MAF: variants seen among roughly 807,000 people sequenced by gnomAD.
MAF encodes the protein MAF bZIP transcription factor, also known as transcription factor Maf.
Under a neutral mutation model 22.0 loss-of-function variants are expected in MAF, and 10 were observed. That is an observed-to-expected ratio of 0.45 (90% CI 0.28 to 0.77). MAF has a LOEUF of 0.77. Among genes scored for constraint, MAF ranks in the 30% least tolerant of loss-of-function variants. MAF has a pLI of 0.12. For synonymous variants in MAF, 337 were observed against 255.8 expected, an observed-to-expected ratio of 1.32 and a Z score of -3.03; for missense variants, 544 against 548.4, an observed-to-expected ratio of 0.99 and a Z score of 0.08.
chr16:79,501,974 G>A, the MAF span, among the ~76,000 whole-genome samples: 1 of 152,124 alleles, frequency 6.6e-6, no homozygotes, highest in Non-Finnish European at 1.5e-5. Flanking sequence ...TGGCTGTGAG[G>A]TATTATTCCC....
the MAF span, among the ~76,000 whole-genome samples, chr16:79,301,760 A>T: frequency 7.9e-5 from 12 of 152,198 alleles, no homozygotes; most frequent in African/African-American, 2.9e-4. Context: ...ATATGTAGCC[A>T]TCATTGAGCA....
chr16:79,329,410 A>G, the MAF span, among the ~76,000 whole-genome samples: 1 of 152,210 alleles, frequency 6.6e-6, no homozygotes, highest in Non-Finnish European at 1.5e-5. Context: ...ATGAGATTTC[A>G]CAACACCGGT....
In MAF at chr16:79,600,119, T is replaced by G. The variant is rs1318869476; in HGVS notation, c.-217A>C. On this transcript the variant is annotated 5_prime_UTR_variant, in exon 1 of 2. Coordinates refer to ENST00000326043, the MANE Select transcript of MAF (RefSeq NM_005360.5). ...CCCCGCGCCCGCCCTCCCTCCCCCC[T>G]GCTCACGCCAATGTGCTCCCTCGCT... 2 of 430,162 alleles carry G rather than the reference T, an allele frequency of 4.6e-6. No homozygotes were observed. The highest frequency in any genetic ancestry group is 3.8e-6 in the Non-Finnish European group (1 of 264,696). 26.6% of individuals were successfully genotyped at this position (430,162 alleles called of 1,614,324 possible).
chr16:79,349,136 G>C, the MAF span, among the ~76,000 whole-genome samples: 1 of 152,210 alleles, frequency 6.6e-6, no homozygotes. Context: ...TATTAACTCA[G>C]TTTACAGAAT....
chr16:79,426,193 G>A, the MAF span, among the ~76,000 whole-genome samples: 18 of 144,232 alleles, frequency 1.2e-4, no homozygotes, highest in East Asian at 4.3e-4. Flanking sequence ...GCGAGAGAGC[G>A]AGAGTCCATC....
the MAF span, among the ~76,000 whole-genome samples, chr16:79,335,273 T>C: frequency 6.6e-6 from 1 of 152,194 alleles, no homozygotes; most frequent in African/African-American, 2.4e-5. Context: ...AGGGGTGATT[T>C]TTAATGAAGG....
chr16:79,390,295 T>C, the MAF span, among the ~76,000 whole-genome samples: 1 of 152,110 alleles, frequency 6.6e-6, no homozygotes, highest in African/African-American at 2.4e-5. Context: ...ATTATTATTT[T>C]TTTCACCGAC....
At chr16:79,448,238 T>C in the MAF span, among the ~76,000 whole-genome samples, 1 of 152,094 alleles carries the variant, frequency 6.6e-6, no homozygotes, top group East Asian at 1.9e-4. Flanking sequence ...TTCATTGTCG[T>C]CCTATTGTAA....
the MAF span, among the ~76,000 whole-genome samples, chr16:79,368,612 C>G: frequency 6.6e-6 from 1 of 152,168 alleles, no homozygotes; most frequent in Non-Finnish European, 1.5e-5. Context: ...AAACAGCCTC[C>G]AAGTCCCCAC....
At chr16:79,428,511 A>G in the MAF span, among the ~76,000 whole-genome samples, 24 of 152,124 alleles carry the variant, frequency 1.6e-4, no homozygotes, top group African/African-American at 5.8e-4. Context: ...ACAGAGAGAC[A>G]GAGAGAGAGA....
the MAF span, among the ~76,000 whole-genome samples, chr16:79,208,505 T>C: frequency 3.8e-3 from 577 of 152,342 alleles, 4 homozygotes; most frequent in Non-Finnish European, 5.0e-3. Context: ...GCTTCAGATA[T>C]TTTATAACGG....
chr16:79,512,412 T>C, the MAF span, among the ~76,000 whole-genome samples: 3 of 152,036 alleles, frequency 2.0e-5, no homozygotes, highest in Non-Finnish European at 2.9e-5. Flanking sequence ...GGGTTGGGGG[T>C]CCACTCCTAG....
the MAF span, among the ~76,000 whole-genome samples, chr16:79,519,396 G>A: frequency 1.1e-4 from 17 of 152,198 alleles, no homozygotes; most frequent in Admixed American, 3.3e-4. Flanking sequence ...AACATCTACG[G>A]TCTGCCTCTT....
the MAF span, among the ~76,000 whole-genome samples, chr16:79,294,265 A>T: frequency 6.6e-6 from 1 of 152,166 alleles, no homozygotes. Context: ...AGACTCTTGT[A>T]TATGTGTCCT....
At chr16:79,261,634 G>A in the MAF span, among the ~76,000 whole-genome samples, 7 of 152,196 alleles carry the variant, frequency 4.6e-5, no homozygotes, top group African/African-American at 7.2e-5. Context: ...GGAGGCCAGG[G>A]ACACTGCAGA....
At chr16:79,517,076 G>A in the MAF span, among the ~76,000 whole-genome samples, 1 of 151,764 alleles carries the variant, frequency 6.6e-6, no homozygotes. Context: ...TGTCTTGGCT[G>A]TCTGTTTTAG....
chr16:79,273,254 C>T, the MAF span, among the ~76,000 whole-genome samples: 2 of 152,170 alleles, frequency 1.3e-5, no homozygotes, highest in East Asian at 1.9e-4. Flanking sequence ...CCAGCTTCTG[C>T]AGTGGTCAGA....
downstream of MAF, among the ~76,000 whole-genome samples, chr16:79,583,391 G>T (rs1334033020): frequency 1.3e-5 from 2 of 152,140 alleles, no homozygotes; most frequent in African/African-American, 4.8e-5. Flanking sequence ...GGGTACTTAA[G>T]GCCCAGGAAG....
chr16:79,233,560 A>T, the MAF span, among the ~76,000 whole-genome samples: 1 of 152,090 alleles, frequency 6.6e-6, no homozygotes, highest in Non-Finnish European at 1.5e-5. Context: ...CAAATACATC[A>T]ATGGGCTAAG....
Sources: allele counts gnomAD v4.1 joint callset (sites outside exome capture counted in the v4.1 genomes callset), GRCh38; gene constraint gnomAD v4.1.1; transcripts MANE v1.5; gene names NCBI Gene and HGNC (gene_info 2026-07-23, HGNC 2026-07-21).